Variants in FARS2 observed in about 807,000 individuals in gnomAD.
FARS2 encodes phenylalanyl-tRNA synthetase 2, mitochondrial.
FARS2 carries 40 observed loss-of-function variants against 46.4 expected under a neutral mutation model. The ratio of observed to expected loss-of-function variants is 0.86; its 90% CI spans 0.67 to 1.12. The LOEUF is 1.12. Among genes scored for constraint, FARS2 ranks in the 50% most tolerant of loss-of-function variants. FARS2 has a pLI of 0.00. For synonymous variants in FARS2, 234 were observed against 214.9 expected, an observed-to-expected ratio of 1.09 and a Z score of -0.78; for missense variants, 513 against 567.9, an observed-to-expected ratio of 0.90 and a Z score of 0.98.
chr6:5,456,025 A>G (rs1764834450), intron 4 of FARS2, among the ~76,000 whole-genome samples: 2 of 152,246 alleles, frequency 1.3e-5, no homozygotes, highest in East Asian at 3.9e-4. Context: ...AAGACCAGCC[A>G]GGGAAACGTG....
intron 2 of FARS2, among the ~76,000 whole-genome samples, chr6:5,399,129 T>C (rs1344792439): frequency 4.6e-5 from 1 of 21,522 alleles, no homozygotes; most frequent in African/African-American, 1.8e-4. Context: ...TATATTATTT[T>C]ATTATTATTA....
chr6:5,264,783 G>A (rs544904124), intron 1 of FARS2, among the ~76,000 whole-genome samples: 1 of 152,142 alleles, frequency 6.6e-6, no homozygotes, highest in African/African-American at 2.4e-5. Context: ...ACTTGTAGGT[G>A]ACTAGATAAG....
chr6:5,395,139 C>G (rs2127700659), intron 2 of FARS2, among the ~76,000 whole-genome samples: 1 of 152,262 alleles, frequency 6.6e-6, no homozygotes, highest in South Asian at 2.1e-4. Flanking sequence ...CAACCTCTGC[C>G]TCATAGGTTC....
intron 6 of FARS2, among the ~76,000 whole-genome samples, chr6:5,665,737 C>T (rs759880192): frequency 6.6e-6 from 1 of 152,190 alleles, no homozygotes; most frequent in African/African-American, 2.4e-5. Flanking sequence ...TTTCTTTCAA[C>T]TAATTCCTTT....
intron 4 of FARS2, among the ~76,000 whole-genome samples, chr6:5,483,655 AGACTCTGTCT>A (rs1177783972): frequency 6.6e-6 from 1 of 152,082 alleles, no homozygotes; most frequent in Non-Finnish European, 1.5e-5. Context: ...TGACAGAGTG[AGACTCTGTCT>A]CAAAAAATAA....
At position 5,539,384 on chromosome 6, in the gene FARS2, G is replaced by GTGTATATATACATATATATATATA; in HGVS notation, c.905-5795_905-5794insGTATATATACATATATATATATAT. 2.5e-5 allele frequency among the ~76,000 whole-genome samples: 2 copies of GTGTATATATACATATATATATATA among 79,582 alleles called. 1 individual carries two copies. Among genetic ancestry groups the GTGTATATATACATATATATATATA allele is most frequent in the Admixed American group, 2.5e-4 (2 of 8,128 alleles). 52.2% of individuals were successfully genotyped at this position (79,582 alleles called of 152,430 possible). ...ACCATGCCCACCTAATTTTTTTTGT[G>GTGTATATATACATATATATATATA]TATATATATATATATGTATATATTT... On this transcript the variant is annotated intron_variant, in intron 4 of 6. Transcript: ENST00000274680.
chr6:5,307,044 A>G lies in FARS2; in HGVS notation c.-22+45384A>G, dbSNP rs566021957. Among the ~76,000 whole-genome samples the G allele has an allele frequency of 2.6e-5, 4 of 152,346 alleles. No homozygotes were observed. In the East Asian group the frequency reaches 7.7e-4, roughly 29 times the overall value. On this transcript the variant is annotated intron_variant, in intron 1 of 6. Transcript: ENST00000274680. ...TTTTTCTTTCATTCTTTTTTAATGC[A>G]TAATTTTTATGTAGTTGTAATCTGT... is the stretch of plus-strand genomic sequence containing the variant.
chr6:5,425,205 C>G (rs1284182830), intron 3 of FARS2, among the ~76,000 whole-genome samples: 1 of 151,858 alleles, frequency 6.6e-6, no homozygotes, highest in Non-Finnish European at 1.5e-5. Flanking sequence ...GGAGGGTACC[C>G]CTGGTTTGGT....
intron 1 of FARS2, among the ~76,000 whole-genome samples, chr6:5,304,339 CTGT>C (rs1393134368): frequency 1.3e-5 from 2 of 152,174 alleles, no homozygotes; most frequent in Non-Finnish European, 2.9e-5. Flanking sequence ...TTATTTAACT[CTGT>C]TGTTGACATG....
rs199992978 is a variant in FARS2, at chr6:5,614,411, C to CTTTTTTTTTTTT, written c.1217+1096_1217+1107dup. On this transcript the variant is annotated intron_variant, in intron 6 of 6. Coordinates refer to ENST00000274680, the MANE Select transcript of FARS2 (RefSeq NM_006567.5). ...GACTCCCACCTGTTTCCTTCTTTGT[C>CTTTTTTTTTTTT]TTTTTTTTTTTTTTTTGAGACGGAG... Among the ~76,000 whole-genome samples, 198 of 139,446 alleles carry CTTTTTTTTTTTT rather than the reference C, an allele frequency of 1.4e-3. 3 individuals carry two copies. Among genetic ancestry groups the CTTTTTTTTTTTT allele is most frequent in the African/African-American group, 4.6e-3 (170 of 37,132 alleles). 91.5% of individuals were successfully genotyped at this position (139,446 alleles called of 152,430 possible).
At chr6:5,558,693 C>T (rs1328455871) in intron 5 of FARS2, among the ~76,000 whole-genome samples, 11 of 152,074 alleles carry the variant, frequency 7.2e-5, no homozygotes, top group South Asian at 2.1e-4. Context: ...CCCGCCACCA[C>T]ACCCAGCTTA....
chr6:5,743,320 C>G lies in FARS2; in HGVS notation c.1218-27971C>G, dbSNP rs536532235. Reference sequence around the variant, plus strand: ...GGCAGAGACCTCCTTTCACCCACCCCAGCCCTAACACTGGAATCCACAGCC... The same window carrying G: ...GGCAGAGACCTCCTTTCACCCACCCGAGCCCTAACACTGGAATCCACAGCC... On this transcript the variant is annotated intron_variant, in intron 6 of 6. Coordinates refer to ENST00000274680, the MANE Select transcript of FARS2 (RefSeq NM_006567.5). Among the ~76,000 whole-genome samples the G allele has an allele frequency of 5.3e-5, 8 of 152,282 alleles. No homozygotes were observed. The East Asian group carries it at 1.4e-3, about 26-fold the overall frequency.
intron 6 of FARS2, among the ~76,000 whole-genome samples, chr6:5,769,109 C>T (rs182398644): frequency 6.6e-6 from 1 of 151,988 alleles, no homozygotes. Context: ...ATAGTTTCAG[C>T]TCTTATATTG....
intron 1 of FARS2, among the ~76,000 whole-genome samples, chr6:5,368,081 A>G (rs1283993646): frequency 6.6e-6 from 1 of 152,164 alleles, no homozygotes; most frequent in African/African-American, 2.4e-5. Context: ...TGGCTCTTAA[A>G]TCTCTTCTCT....
intron 5 of FARS2, among the ~76,000 whole-genome samples, chr6:5,546,469 C>A (rs564175681): frequency 6.6e-6 from 1 of 151,448 alleles, no homozygotes; most frequent in South Asian, 2.1e-4. Context: ...CCAGGCTGGT[C>A]TCAAACTCCT....
chr6:5,266,513 A>T (rs1018092139), intron 1 of FARS2, among the ~76,000 whole-genome samples: 3 of 151,770 alleles, frequency 2.0e-5, no homozygotes, highest in African/African-American at 7.3e-5. Context: ...AAAATAGAAT[A>T]AAAAAAAGAA....
At chr6:5,563,926 T>G (rs1011559727) in intron 5 of FARS2, among the ~76,000 whole-genome samples, 4 of 152,212 alleles carry the variant, frequency 2.6e-5, no homozygotes, top group Non-Finnish European at 5.9e-5. Flanking sequence ...ACTTGATTTT[T>G]AAGTACCTGT....
At chr6:5,466,129 G>T (rs1187660882) in intron 4 of FARS2, among the ~76,000 whole-genome samples, 1 of 152,112 alleles carries the variant, frequency 6.6e-6, no homozygotes, top group Non-Finnish European at 1.5e-5. Context: ...CTCTCTGAAT[G>T]CTCCTTCTCT....
At chr6:5,578,778 C>G (rs1199589912) in intron 5 of FARS2, among the ~76,000 whole-genome samples, 5 of 138,972 alleles carry the variant, frequency 3.6e-5, no homozygotes, top group African/African-American at 1.4e-4. Flanking sequence ...CACTGCACTC[C>G]AGCCTGGAAG....
Sources: allele counts gnomAD v4.1 joint callset (sites outside exome capture counted in the v4.1 genomes callset), GRCh38; gene constraint gnomAD v4.1.1; transcripts MANE v1.5; gene names NCBI Gene and HGNC (gene_info 2026-07-23, HGNC 2026-07-21).